PIK3R5: variants seen among roughly 807,000 people sequenced by gnomAD.
The protein encoded by PIK3R5 is phosphoinositide 3-kinase regulatory subunit 5.
PIK3R5 carries 32 observed loss-of-function variants against 94.9 expected under a neutral mutation model. That is an observed-to-expected ratio of 0.34 (90% CI 0.25 to 0.45). The LOEUF (loss-of-function observed/expected upper bound fraction) is 0.45. PIK3R5 is among the 20% of genes least tolerant of loss of function. The pLI is 1.00. For synonymous variants in PIK3R5, 443 were observed against 479.4 expected (o/e 0.92, Z 0.99); for missense variants, 853 against 1,144.6 (o/e 0.75, Z 3.68).
chr17:8,938,107 G>A (rs755806045), intron 1 of PIK3R5, among the ~76,000 whole-genome samples: 5 of 152,118 alleles, frequency 3.3e-5, no homozygotes, highest in African/African-American at 4.8e-5. Flanking sequence ...CACCGCACCC[G>A]GCCATTTTTT....
chr17:8,924,188 C>T (rs762983221), intron 1 of PIK3R5, among the ~76,000 whole-genome samples: 4 of 151,330 alleles, frequency 2.6e-5, no homozygotes, highest in African/African-American at 4.9e-5. Context: ...AAGCGATCCT[C>T]CTGCCTCAGC....
intron 1 of PIK3R5, among the ~76,000 whole-genome samples, chr17:8,950,922 TG>T (rs2091365037): frequency 6.6e-6 from 1 of 152,154 alleles, no homozygotes; most frequent in Non-Finnish European, 1.5e-5. Flanking sequence ...ACCAACAATG[TG>T]TAAGTGTTCC....
At position 8,886,480 on chromosome 17, in the gene PIK3R5, G is replaced by T; in HGVS notation, c.2031C>A (p.Thr677=). ...ARPVLLQVYQ[T]ELTFITGEKT... ...GTTCGGGGCAGGGAGGCCTTACCTC[G>T]GTCTGATAGACTTGCAGCAGCACCG... is the stretch of plus-strand genomic sequence containing the variant. The change falls in exon 13 of 19, where the codon ACC becomes ACA. Residue 677 remains threonine, a synonymous_variant. Transcript: ENST00000447110. The T allele has an allele frequency of 6.2e-7, 1 of 1,603,274 alleles. No homozygotes were observed. The highest frequency in any genetic ancestry group is 8.5e-7 in the Non-Finnish European group (1 of 1,174,128).
At chr17:8,951,454 C>T (rs868570630) in intron 1 of PIK3R5, among the ~76,000 whole-genome samples, 10 of 152,192 alleles carry the variant, frequency 6.6e-5, no homozygotes, top group African/African-American at 2.4e-4. Context: ...CTTTCTGTTT[C>T]TATGAGTTTA....
rs774180276 is a variant in PIK3R5, at chr17:8,881,828, G to C, written c.2259C>G (p.Ser753=). 6.2e-7 allele frequency: 1 copy of C among 1,614,134 alleles called. No individual in the cohort carries two copies. The highest frequency in any genetic ancestry group is 8.5e-7 in the Non-Finnish European group (1 of 1,180,004). ...TCCGGCAGGCCTTGTTGAGGTTCACGGAGGTACAGACCTTCTCCAGGTTGC... is the reference window on the plus strand; with the variant it reads ...TCCGGCAGGCCTTGTTGAGGTTCACCGAGGTACAGACCTTCTCCAGGTTGC... ...RWSNLEKVCT[S]VNLNKACRKQ... Residue 753 remains serine (S), a synonymous_variant, in exon 16 of 19, where the codon TCC becomes TCG. Coordinates refer to ENST00000447110, the MANE Select transcript of PIK3R5 (RefSeq NM_001142633.3). The surrounding 1 kb of genome is among the most constrained non-coding windows in gnomAD (Gnocchi z 4.8).
Position 8,911,516 on chromosome 17 carries a change from G to C in PIK3R5, c.-13-9C>G. ...GCATCCTGGGTCATCGCCTGCATGGGGGACAGACGCCGGTCAGCTTGTCGA... is the reference window on the plus strand; with the variant it reads ...GCATCCTGGGTCATCGCCTGCATGGCGGACAGACGCCGGTCAGCTTGTCGA... On this transcript the variant is annotated splice_polypyrimidine_tract_variant and intron_variant, in intron 1 of 18. Transcript: ENST00000447110. This position sits in a 1 kb window ranked among gnomAD's most constrained non-coding sequence, Gnocchi z 5.3. 3.2e-6 allele frequency: 5 copies of C among 1,559,180 alleles called. No homozygotes were observed. The highest frequency in any genetic ancestry group is 4.4e-6 in the Non-Finnish European group (5 of 1,144,414).
rs893069502 is a variant in PIK3R5 at position 8,893,987 on chromosome 17, C to G, written c.413-332G>C. Reference sequence around the variant, plus strand: ...TCCCCTTGTGGCTCAGGTCCCGGCTCCAGGCTTGGAGGCAGCCTAGCTGGA... The same window carrying G: ...TCCCCTTGTGGCTCAGGTCCCGGCTGCAGGCTTGGAGGCAGCCTAGCTGGA... On this transcript the variant is annotated intron_variant, in intron 5 of 18. Transcript: ENST00000447110. The surrounding 1 kb of genome is among the most constrained non-coding windows in gnomAD (Gnocchi z 5.1). The G allele has an allele frequency of 1.5e-5, 3 of 204,080 alleles. No individual in the cohort carries two copies. The highest frequency in any genetic ancestry group is 7.0e-5 in the African/African-American group (3 of 43,114). The allele number at this position is 204,080 out of a possible 1,614,324, so 12.6% of individuals were successfully genotyped here.
chr17:8,914,985 C>T (rs2090601795), intron 1 of PIK3R5, among the ~76,000 whole-genome samples: 1 of 152,248 alleles, frequency 6.6e-6, no homozygotes, highest in Admixed American at 6.5e-5. Flanking sequence ...TAAAGTCACA[C>T]AGCTAGGAGA....
At chr17:8,931,983 C>T (rs1047807944) in intron 1 of PIK3R5, among the ~76,000 whole-genome samples, 1 of 152,130 alleles carries the variant, frequency 6.6e-6, no homozygotes, top group Non-Finnish European at 1.5e-5. Context: ...CAAGAAAATC[C>T]AGACGCTCAA....
chr17:8,916,261 C>T (rs1016054152), intron 1 of PIK3R5: 2 of 152,346 alleles, frequency 1.3e-5, no homozygotes, highest in Non-Finnish European at 2.9e-5. Flanking sequence ...CTGAGTCAGT[C>T]ATCAGCTGTT....
intron 1 of PIK3R5, among the ~76,000 whole-genome samples, chr17:8,932,273 G>A (rs60165661): frequency 0.098 from 14,845 of 151,890 alleles, 932 homozygotes; most frequent in African/African-American, 0.18. Flanking sequence ...TCATTCTGCT[G>A]CCCAGGCTGG....
In PIK3R5 at chr17:8,889,727, C is replaced by T. The variant is rs2089975541; in HGVS notation, c.811+246G>A. Reference sequence around the variant, plus strand: ...ATCACCTTCAACAGAAAAGCCCAGCCTTTGCCCTCGTAAGCACTCTCTTTT... The same window carrying T: ...ATCACCTTCAACAGAAAAGCCCAGCTTTTGCCCTCGTAAGCACTCTCTTTT... On this transcript the variant is annotated intron_variant, in intron 8 of 18. Transcript: ENST00000447110. This position sits in a 1 kb window ranked among gnomAD's most constrained non-coding sequence, Gnocchi z 4.1. Among the ~76,000 whole-genome samples, 1 of 152,140 alleles carries T rather than the reference C, an allele frequency of 6.6e-6. No homozygotes were observed. Among genetic ancestry groups the T allele is most frequent in the South Asian group, 2.1e-4 (1 of 4,836 alleles).
rs112851950 is a variant in PIK3R5, at chr17:8,942,963, T to TAC, written c.-14+22631_-14+22632dup. ...CAGCTGGACAAAGCAGATCACGTCA[T>TAC]ACACACACACACACACACACACACA... On this transcript the variant is annotated intron_variant, in intron 1 of 18. Coordinates refer to ENST00000447110, the MANE Select transcript of PIK3R5 (RefSeq NM_001142633.3). Among the ~76,000 whole-genome samples the TAC allele has an allele frequency of 8.6e-3, 1,280 of 149,160 alleles. 10 individuals carry two copies. Among genetic ancestry groups the TAC allele is most frequent in the East Asian group, 0.062 (310 of 5,040 alleles).
At chr17:8,918,169 A>G (rs1042269025) in intron 1 of PIK3R5, among the ~76,000 whole-genome samples, 1 of 152,236 alleles carries the variant, frequency 6.6e-6, no homozygotes, top group Non-Finnish European at 1.5e-5. Flanking sequence ...AGAGGCAATG[A>G]CATCCCAGTA....
chr17:8,919,752 T>C (rs2090697542), intron 1 of PIK3R5, among the ~76,000 whole-genome samples: 1 of 152,162 alleles, frequency 6.6e-6, no homozygotes, highest in Non-Finnish European at 1.5e-5. Flanking sequence ...TGAGTTAACA[T>C]AGACAAATGT....
In PIK3R5 at chr17:8,884,697, C is replaced by T. The variant is rs61761116; in HGVS notation, c.2205+10G>A. 3.1e-3 allele frequency: 4,938 copies of T among 1,601,686 alleles called. 150 individuals are homozygous for T. In the African/African-American group the frequency reaches 0.058, roughly 19 times the overall value. On this transcript the variant is annotated intron_variant, in intron 15 of 18. Transcript: ENST00000447110. The surrounding 1 kb of genome is among the most constrained non-coding windows in gnomAD (Gnocchi z 5.8). ...TCCTGGAGGGGAAGGAGCCCCAGCA[C>T]GGGTCTTACCTTGCTGTAAATAATC...
chr17:8,925,705 T>C lies in PIK3R5; in HGVS notation c.-13-14198A>G, dbSNP rs997165733. On this transcript the variant is annotated intron_variant, in intron 1 of 18. Transcript: ENST00000447110. This position sits in a 1 kb window ranked among gnomAD's most constrained non-coding sequence, Gnocchi z 5.1. Reference sequence around the variant, plus strand: ...GCTTAGGTTCAGGCCAAAATCTCTATAATAAGTGGGTACAGCTTGCATCAT... The same window carrying C: ...GCTTAGGTTCAGGCCAAAATCTCTACAATAAGTGGGTACAGCTTGCATCAT... Among the ~76,000 whole-genome samples the C allele has an allele frequency of 9.2e-5, 14 of 152,200 alleles. No homozygotes were observed. The highest frequency in any genetic ancestry group is 2.0e-4 in the Admixed American group (3 of 15,276).
chr17:8,950,700 A>G (rs541427513), intron 1 of PIK3R5, among the ~76,000 whole-genome samples: 1 of 152,326 alleles, frequency 6.6e-6, no homozygotes, highest in Non-Finnish European at 1.5e-5. Context: ...TCTACCATCA[A>G]TGGGCACCTA....
At chr17:8,947,910 G>A (rs1250745233) in intron 1 of PIK3R5, among the ~76,000 whole-genome samples, 2 of 151,876 alleles carry the variant, frequency 1.3e-5, no homozygotes, top group African/African-American at 2.4e-5. Context: ...AGGTGTGGTG[G>A]CGGGCGCCTG....
Sources: allele counts gnomAD v4.1 joint callset (sites outside exome capture counted in the v4.1 genomes callset), GRCh38; gene constraint gnomAD v4.1.1; non-coding constraint Gnocchi (gnomAD v3.1); transcripts MANE v1.5; gene names NCBI Gene and HGNC (gene_info 2026-07-23, HGNC 2026-07-21).